Variants in ASB4 observed in about 807,000 individuals in gnomAD.
ASB4 encodes the protein ankyrin repeat and SOCS box protein 4.
In ASB4, 35 loss-of-function variants were observed where a neutral mutation model predicts 38.6. The ratio of observed to expected loss-of-function variants is 0.91; its 90% CI spans 0.69 to 1.20. The LOEUF is 1.20. Ranked by LOEUF, ASB4 falls within the 50% of genes most tolerant of loss-of-function variation. ASB4 has a pLI of 0.00. For synonymous variants in ASB4, 195 were observed against 201.3 expected (o/e 0.97, Z 0.26); for missense variants, 557 against 527.2 (o/e 1.06, Z -0.55).
upstream of ASB4, among the ~76,000 whole-genome samples, chr7:95,477,310 G>A (rs1442339731): frequency 6.6e-6 from 1 of 152,138 alleles, no homozygotes; most frequent in Non-Finnish European, 1.5e-5. Context: ...ATACCTTTCT[G>A]AAATGGCATC....
intron 2 of ASB4, among the ~76,000 whole-genome samples, chr7:95,507,121 C>A (rs558439604): frequency 6.6e-6 from 1 of 152,178 alleles, no homozygotes; most frequent in South Asian, 2.1e-4. Context: ...ATCTAATTAT[C>A]TACGTAGAGG....
At chr7:95,492,527 T>C (rs896605557) in intron 1 of ASB4, among the ~76,000 whole-genome samples, 12 of 152,118 alleles carry the variant, frequency 7.9e-5, no homozygotes, top group African/African-American at 2.9e-4. Context: ...GCTGAAAAAG[T>C]GGCAGTTTTC....
intron 2 of ASB4, among the ~76,000 whole-genome samples, chr7:95,515,198 T>C (rs1306799875): frequency 7.8e-6 from 1 of 128,574 alleles, no homozygotes. Flanking sequence ...TCTTTCTTTC[T>C]TTCTTTCTTT....
At chr7:95,551,198 C>T in the ASB4 span, among the ~76,000 whole-genome samples, 3 of 152,132 alleles carry the variant, frequency 2.0e-5, no homozygotes, top group South Asian at 4.1e-4. Context: ...CCAGGCTGGT[C>T]TCAAACTCCT....
At chr7:95,503,306 G>A (rs763115328) in intron 2 of ASB4, among the ~76,000 whole-genome samples, 10 of 152,180 alleles carry the variant, frequency 6.6e-5, no homozygotes, top group Admixed American at 1.3e-4. Context: ...GAAAGTAAGT[G>A]TTTTGCAGGT....
At chr7:95,489,420 G>T (rs912987764) in intron 1 of ASB4, among the ~76,000 whole-genome samples, 1 of 152,250 alleles carries the variant, frequency 6.6e-6, no homozygotes, top group African/African-American at 2.4e-5. Context: ...TTCAAACTGT[G>T]GATCCTGTCT....
intron 1 of ASB4, among the ~76,000 whole-genome samples, chr7:95,486,631 G>C (rs1022316869): frequency 6.6e-6 from 1 of 152,178 alleles, no homozygotes; most frequent in African/African-American, 2.4e-5. Flanking sequence ...ACATTTGGAG[G>C]GTTAATAAAT....
At chr7:95,549,278 C>G in the ASB4 span, among the ~76,000 whole-genome samples, 1 of 147,204 alleles carries the variant, frequency 6.8e-6, no homozygotes, top group Non-Finnish European at 1.5e-5. Context: ...GATTCCATTC[C>G]AGAAAGTTCC....
chr7:95,481,165 G>T (rs974744994), upstream of ASB4, among the ~76,000 whole-genome samples: 2 of 152,080 alleles, frequency 1.3e-5, no homozygotes, highest in African/African-American at 4.8e-5. Flanking sequence ...AATACCTCCT[G>T]CCTGGAAGAG....
chr7:95,518,960 G>A (rs1479072667), intron 2 of ASB4, among the ~76,000 whole-genome samples: 2 of 152,138 alleles, frequency 1.3e-5, no homozygotes, highest in Admixed American at 1.3e-4. Flanking sequence ...TAATTTCACG[G>A]GATGACATAA....
chr7:95,479,017 C>T (rs1790001369), intron 1 of ASB4, among the ~76,000 whole-genome samples: 1 of 152,172 alleles, frequency 6.6e-6, no homozygotes, highest in South Asian at 2.1e-4. Flanking sequence ...TTCAAAAAAT[C>T]TCAGCAAGGT....
chr7:95,483,825 A>T (rs1790044438), upstream of ASB4, among the ~76,000 whole-genome samples: 1 of 152,172 alleles, frequency 6.6e-6, no homozygotes. Flanking sequence ...TCATAACAAT[A>T]GCATAAAACA....
chr7:95,510,203 T>C (rs931477437), intron 2 of ASB4, among the ~76,000 whole-genome samples: 2 of 152,190 alleles, frequency 1.3e-5, no homozygotes, highest in Non-Finnish European at 2.9e-5. Context: ...TCGATGTTTC[T>C]TCCGAAATGA....
chr7:95,546,328 T>C, the ASB4 span, among the ~76,000 whole-genome samples: 4,557 of 152,316 alleles, frequency 0.03, 213 homozygotes, highest in African/African-American at 0.1. Flanking sequence ...GAAGGAAATC[T>C]GCCCATTTGT....
chr7:95,540,898 G>T (rs1790961786), downstream of ASB4, among the ~76,000 whole-genome samples: 1 of 152,136 alleles, frequency 6.6e-6, no homozygotes, highest in Non-Finnish European at 1.5e-5. Context: ...ATTTGCAGTG[G>T]GTTATCAATG....
chr7:95,482,216 A>T (rs1790026730), upstream of ASB4, among the ~76,000 whole-genome samples: 1 of 152,234 alleles, frequency 6.6e-6, no homozygotes, highest in African/African-American at 2.4e-5. Context: ...CATTTTTTAA[A>T]TGAAAATTTG....
intron 2 of ASB4, among the ~76,000 whole-genome samples, chr7:95,505,877 A>C (rs1790401605): frequency 6.6e-6 from 1 of 151,978 alleles, no homozygotes; most frequent in Non-Finnish European, 1.5e-5. Flanking sequence ...AGCTTTTGCC[A>C]ATATTTTTAT....
chr7:95,525,641 A>G (rs1790726725), intron 2 of ASB4, among the ~76,000 whole-genome samples: 1 of 152,110 alleles, frequency 6.6e-6, no homozygotes, highest in Admixed American at 6.5e-5. Context: ...TGACCCTTTG[A>G]TTCTCTTCCT....
chr7:95,495,811 C>T lies in ASB4; in HGVS notation c.241C>T (p.Leu81Phe), dbSNP rs1790237674. The stretch of plus-strand genomic sequence containing the variant: ...GTCTTCCTGGGCCACAGGCCTCCAT[C>T]TCTCTGTCTTGTTTGGCCATGTGGA... Reference protein sequence around the residue: ...LKSSWATGLHLSVLFGHVECL... With the variant: ...LKSSWATGLHFSVLFGHVECL... The change falls in exon 2 of 5, where the codon CTC (leucine) becomes TTC (phenylalanine). Residue 81 changes from leucine to phenylalanine, a missense_variant. Leu to Phe is a conservative substitution (Grantham distance 22, BLOSUM62 0). Transcript: ENST00000325885. 4 of 1,612,858 alleles carry T rather than the reference C, an allele frequency of 2.5e-6. No homozygotes were observed. The highest frequency in any genetic ancestry group is 3.4e-6 in the Non-Finnish European group (4 of 1,179,814).
Sources: allele counts gnomAD v4.1 joint callset (sites outside exome capture counted in the v4.1 genomes callset), GRCh38; gene constraint gnomAD v4.1.1; transcripts MANE v1.5; gene names NCBI Gene and HGNC (gene_info 2026-07-23, HGNC 2026-07-21).